The following OR1L8 variants were observed in gnomAD, a reference collection of about 807,000 sequenced individuals.
OR1L8 encodes olfactory receptor 1L8.
For missense variants in OR1L8, 330 were observed against 377.4 expected (o/e 0.87, Z 1.04); for synonymous variants, 148 against 147.0 (o/e 1.01, Z -0.05).
chr9:122,556,648 A>G, the OR1L8 span, among the ~76,000 whole-genome samples: 1 of 152,220 alleles, frequency 6.6e-6, no homozygotes, highest in South Asian at 2.1e-4. Flanking sequence ...ACAAACCTAC[A>G]CATTCTGCAC....
intron 2 of OR1L8, 116 bp from the exon 3 acceptor site, chr9:122,577,017 T>C (rs1280025968): frequency 1.3e-5 from 2 of 152,184 alleles, no homozygotes; most frequent in Admixed American, 6.5e-5. Context: ...TGATGTATAA[T>C]TGGGTTTTTA....
chr9:122,561,789 C>G, the OR1L8 span, among the ~76,000 whole-genome samples: 1 of 152,160 alleles, frequency 6.6e-6, no homozygotes, highest in Non-Finnish European at 1.5e-5. Context: ...GTCTGACAAC[C>G]CCTGTTGCAG....
chr9:122,561,743 C>T, the OR1L8 span, among the ~76,000 whole-genome samples: 3 of 152,100 alleles, frequency 2.0e-5, no homozygotes, highest in East Asian at 3.9e-4. Context: ...TGAGGGGCAC[C>T]GACCTAATGC....
chr9:122,567,486 C>T lies in OR1L8; in HGVS notation c.*62G>A. On this transcript the variant is annotated 3_prime_UTR_variant, in exon 5 of 5. Coordinates refer to ENST00000641027, the MANE Select transcript of OR1L8 (RefSeq NM_001004454.2). ...AACAGCTTTGACTGTTCACCAGAAA[C>T]CAGTAGAAAACACGTCCAAGTTGAG... is the stretch of plus-strand genomic sequence containing the variant. 8.0e-7 allele frequency: 1 copy of T among 1,253,378 alleles called. No homozygotes were observed. Among genetic ancestry groups the T allele is most frequent in the Non-Finnish European group, 1.1e-6 (1 of 896,104 alleles). The allele number at this position is 1,253,378 out of a possible 1,614,324, so 77.6% of individuals were successfully genotyped here.
intron 3 of OR1L8, among the ~76,000 whole-genome samples, 162 bp downstream of exon 3, chr9:122,576,604 T>C (rs1410652013): frequency 6.6e-6 from 1 of 152,164 alleles, no homozygotes; most frequent in Admixed American, 6.5e-5. Flanking sequence ...TTATGAATAC[T>C]GTATATATCT....
chr9:122,553,078 G>A, the OR1L8 span: 1 of 855,202 alleles, frequency 1.2e-6, no homozygotes, highest in African/African-American at 2.2e-5. Context: ...TATTGGCAAA[G>A]ACCATTTATT....
At chr9:122,577,528 T>C (rs1829678708) in intron 2 of OR1L8, among the ~76,000 whole-genome samples, 2 of 152,320 alleles carry the variant, frequency 1.3e-5, no homozygotes, top group South Asian at 4.1e-4. Context: ...CAAGGTTCAG[T>C]AAGCATGTGA....
chr9:122,553,700 ACT>A, the OR1L8 span: 2 of 1,613,864 alleles, frequency 1.2e-6, no homozygotes, highest in East Asian at 4.5e-5. Flanking sequence ...TGATGCACAC[ACT>A]GTTGCTGACC....
the OR1L8 span, among the ~76,000 whole-genome samples, chr9:122,549,151 G>A: frequency 1.2e-3 from 187 of 152,038 alleles, 2 homozygotes; most frequent in Non-Finnish European, 2.3e-3. Flanking sequence ...GGGTCATGAG[G>A]GCGGATCCCT....
In OR1L8 at chr9:122,568,192, C is replaced by A. The variant is rs1403518313; in HGVS notation, c.286G>T (p.Ala96Ser). 3 of 1,614,188 alleles carry A rather than the reference C, an allele frequency of 1.9e-6. No individual in the cohort carries two copies. The highest frequency in any genetic ancestry group is 1.7e-5 in the Admixed American group (1 of 60,026). The change falls in exon 5 of 5, where the codon GCT becomes TCT. Residue 96 changes from alanine (A) to serine (S), a missense_variant. Transcript: ENST00000641027. ...FLSEKKTISYAGCLTQMYFLY... is the reference protein window; with the variant it reads ...FLSEKKTISYSGCLTQMYFLY... ...AAATACATCTGTGTCAGACACCCAG[C>A]ATAGGAGATGGTCTTCTTTTCTGAC...
chr9:122,569,540 T>G (rs184754469), intron 4 of OR1L8, among the ~76,000 whole-genome samples: 8 of 152,126 alleles, frequency 5.3e-5, no homozygotes, highest in South Asian at 2.1e-4. Context: ...ACCTTGTGAA[T>G]AGGCATATTA....
chr9:122,576,731 CA>C, intron 3 of OR1L8, 34 bp downstream of exon 3: 1 of 152,206 alleles, frequency 6.6e-6, no homozygotes, highest in Non-Finnish European at 1.5e-5. Flanking sequence ...ACTGAGCCTC[CA>C]GCAATTCATC....
the OR1L8 span, among the ~76,000 whole-genome samples, chr9:122,557,165 A>G: frequency 1.7e-3 from 266 of 152,240 alleles, 1 homozygote; most frequent in Admixed American, 3.1e-3. Flanking sequence ...AAATCATGTC[A>G]TCTGAAAATA....
chr9:122,563,006 A>G (rs529492508), downstream of OR1L8, among the ~76,000 whole-genome samples: 1 of 152,146 alleles, frequency 6.6e-6, no homozygotes, highest in Non-Finnish European at 1.5e-5. Context: ...TCTTTGACGT[A>G]CTTATTTCTT....
chr9:122,548,588 T>TA, the OR1L8 span, among the ~76,000 whole-genome samples: 6 of 151,498 alleles, frequency 4.0e-5, no homozygotes, highest in South Asian at 2.1e-4. Context: ...TTTTAAAATT[T>TA]TTATATATAT....
At chr9:122,569,567 C>G (rs1212308474) in intron 4 of OR1L8, among the ~76,000 whole-genome samples, 3 of 76,092 alleles carry the variant, frequency 3.9e-5, no homozygotes, top group African/African-American at 1.6e-4. Flanking sequence ...GATTTTCAAG[C>G]ATTTTTAGAT....
downstream of OR1L8, among the ~76,000 whole-genome samples, chr9:122,563,538 A>G (rs757964690): frequency 1.1e-4 from 17 of 152,188 alleles, no homozygotes; most frequent in Non-Finnish European, 2.1e-4. Flanking sequence ...ATAGTTTGCA[A>G]ATATTTTCTC....
At chr9:122,553,907 A>G in the OR1L8 span, 5 of 1,613,364 alleles carry the variant, frequency 3.1e-6, no homozygotes, top group Non-Finnish European at 3.4e-6. Context: ...TTGTCATCTC[A>G]TCTCCTGGAG....
chr9:122,577,666 A>G (rs1784206660), intron 2 of OR1L8, among the ~76,000 whole-genome samples: 1 of 152,234 alleles, frequency 6.6e-6, no homozygotes, highest in South Asian at 2.1e-4. Flanking sequence ...TAGTATTAAC[A>G]CTGAGAGTGC....
Sources: allele counts gnomAD v4.1 joint callset (sites outside exome capture counted in the v4.1 genomes callset), GRCh38; gene constraint gnomAD v4.1.1; transcripts MANE v1.5; gene names NCBI Gene and HGNC (gene_info 2026-07-23, HGNC 2026-07-21).